Variants in GALNTL6 observed in about 807,000 individuals in gnomAD.
GALNTL6 encodes polypeptide N-acetylgalactosaminyltransferase like 6.
GALNTL6 carries 46 observed loss-of-function variants against 73.7 expected under a neutral mutation model. The observed-to-expected ratio is 0.62, with a 90% CI of 0.49 to 0.80. The LOEUF (loss-of-function observed/expected upper bound fraction) is 0.80, where lower values mean the gene tolerates loss of function less well. Among genes scored for constraint, GALNTL6 ranks in the 30% least tolerant of loss-of-function variants. The pLI is 0.00. For synonymous variants in GALNTL6, 259 were observed against 263.7 expected (o/e 0.98, Z 0.17); for missense variants, 604 against 755.0 (o/e 0.80, Z 2.34).
intron 5 of GALNTL6, among the ~76,000 whole-genome samples, chr4:172,462,283 T>A (rs1458137837): frequency 6.6e-6 from 1 of 152,194 alleles, no homozygotes. Flanking sequence ...CATCTCTTTA[T>A]TCTGTTCTGC....
At chr4:171,850,946 A>G (rs1348209802) in intron 2 of GALNTL6, among the ~76,000 whole-genome samples, 2 of 152,154 alleles carry the variant, frequency 1.3e-5, no homozygotes, top group Non-Finnish European at 2.9e-5. Context: ...ATTAGAGGAT[A>G]TTATCCTAAA....
chr4:172,266,537 G>A (rs1738458512), intron 3 of GALNTL6, among the ~76,000 whole-genome samples: 1 of 151,998 alleles, frequency 6.6e-6, no homozygotes, highest in Non-Finnish European at 1.5e-5. Flanking sequence ...TTTAACTTAT[G>A]TAAAATAACT....
chr4:172,434,193 A>G (rs1731557101), intron 5 of GALNTL6, among the ~76,000 whole-genome samples: 1 of 152,112 alleles, frequency 6.6e-6, no homozygotes, highest in South Asian at 2.1e-4. Context: ...ATTATGGGAT[A>G]TAGATTCTAG....
chr4:172,918,506 A>C (rs1747643560), intron 8 of GALNTL6, among the ~76,000 whole-genome samples: 2 of 152,174 alleles, frequency 1.3e-5, no homozygotes, highest in African/African-American at 4.8e-5. Context: ...TTTCCTCTCC[A>C]AACAGCTGAG....
At chr4:172,441,493 G>A (rs532728723) in intron 5 of GALNTL6, among the ~76,000 whole-genome samples, 64 of 152,068 alleles carry the variant, frequency 4.2e-4, no homozygotes, top group Non-Finnish European at 7.1e-4. Flanking sequence ...TGCTGCTCTG[G>A]TTTTTTCAGC....
At chr4:172,889,816 T>C (rs1465519574) in intron 8 of GALNTL6, among the ~76,000 whole-genome samples, 1 of 152,172 alleles carries the variant, frequency 6.6e-6, no homozygotes, top group Non-Finnish European at 1.5e-5. Flanking sequence ...TTTGGAATAA[T>C]TTTAGTAGAA....
chr4:172,137,398 A>G lies in GALNTL6; in HGVS notation c.139-92258A>G, dbSNP rs1278585995. 2.0e-5 allele frequency among the ~76,000 whole-genome samples: 3 copies of G among 152,212 alleles called. No individual in the cohort carries two copies. In the East Asian group the frequency reaches 5.8e-4, roughly 29 times the overall value. ...TATCAAAAACATTGTATATAAATTT[A>G]ATCTCACAAAGGTGTACAAGATTGG... On this transcript the variant is annotated intron_variant, in intron 2 of 12. Transcript: ENST00000506823.
At chr4:173,003,997 T>C (rs1752163419) in intron 10 of GALNTL6, among the ~76,000 whole-genome samples, 2 of 152,162 alleles carry the variant, frequency 1.3e-5, no homozygotes, top group African/African-American at 4.8e-5. Context: ...AACTACAAAG[T>C]GCCTTTCATT....
At chr4:172,121,819 C>CAAAAATTAAAAAGAAAAATACAAAG (rs1733158766) in intron 2 of GALNTL6, among the ~76,000 whole-genome samples, 3 of 151,558 alleles carry the variant, frequency 2.0e-5, no homozygotes, top group African/African-American at 7.3e-5. Flanking sequence ...GTAACAAGAA[C>CAAAAATTAAAAAGAAAAATACAAAG]AAAAATTAAA....
chr4:172,974,584 G>A (rs1354499252), intron 10 of GALNTL6, among the ~76,000 whole-genome samples: 2 of 152,226 alleles, frequency 1.3e-5, no homozygotes, highest in Admixed American at 1.3e-4. Context: ...TCCTTGGGGT[G>A]TTGTTTTGCC....
chr4:172,970,960 A>G (rs934902420), intron 10 of GALNTL6, among the ~76,000 whole-genome samples: 6 of 152,230 alleles, frequency 3.9e-5, no homozygotes, highest in Admixed American at 3.3e-4. Context: ...AAGACGGGGT[A>G]AGAAATTATG....
chr4:172,761,689 C>CTCTCTCTT (rs1030825675), intron 5 of GALNTL6, among the ~76,000 whole-genome samples: 3 of 151,790 alleles, frequency 2.0e-5, no homozygotes, highest in African/African-American at 7.3e-5. Context: ...CTCTCTCTCT[C>CTCTCTCTT]TCTCTCTTTC....
intron 12 of GALNTL6, among the ~76,000 whole-genome samples, chr4:173,027,478 G>T (rs1220278435): frequency 2.6e-5 from 4 of 152,172 alleles, no homozygotes; most frequent in African/African-American, 9.7e-5. Flanking sequence ...CTGGTCCATT[G>T]TTAAATCCTC....
intron 3 of GALNTL6, among the ~76,000 whole-genome samples, chr4:172,299,662 ATGTAGTTG>A (rs1332125311): frequency 1.3e-5 from 2 of 152,190 alleles, no homozygotes; most frequent in Non-Finnish European, 2.9e-5. Flanking sequence ...TTCAGTTTCC[ATGTAGTTG>A]AGCAGTTTTG....
intron 5 of GALNTL6, among the ~76,000 whole-genome samples, chr4:172,657,264 T>TTAA (rs1731081962): frequency 6.6e-6 from 1 of 152,178 alleles, no homozygotes; most frequent in South Asian, 2.1e-4. Flanking sequence ...CTGTCTATGA[T>TTAA]TAGAGTCAGT....
At chr4:172,185,382 T>A (rs957618667) in intron 2 of GALNTL6, among the ~76,000 whole-genome samples, 3 of 152,202 alleles carry the variant, frequency 2.0e-5, no homozygotes, top group African/African-American at 7.2e-5. Flanking sequence ...TTTAAGGAAA[T>A]ACGCTAAATG....
At chr4:171,854,721 G>A (rs2110868093) in intron 2 of GALNTL6, among the ~76,000 whole-genome samples, 1 of 152,322 alleles carries the variant, frequency 6.6e-6, no homozygotes, top group South Asian at 2.1e-4. Flanking sequence ...GTTCCCAGAA[G>A]GCTATCTTCT....
At chr4:172,656,574 CA>C (rs1419526301) in intron 5 of GALNTL6, among the ~76,000 whole-genome samples, 1 of 152,130 alleles carries the variant, frequency 6.6e-6, no homozygotes, top group African/African-American at 2.4e-5. Flanking sequence ...ATTCTTTACC[CA>C]TGTATGCAAT....
At chr4:172,285,067 T>A (rs2111087325) in intron 3 of GALNTL6, among the ~76,000 whole-genome samples, 1 of 152,308 alleles carries the variant, frequency 6.6e-6, no homozygotes, top group Non-Finnish European at 1.5e-5. Context: ...ATTCTTCTGA[T>A]CTATGAGCAT....
Sources: gnomAD v4.1 joint callset for allele counts (sites outside exome capture counted in the v4.1 genomes callset) on GRCh38, gnomAD v4.1.1 for gene constraint, MANE v1.5 for transcripts, NCBI Gene and HGNC (gene_info 2026-07-23, HGNC 2026-07-21) for gene names.